EPB41L2: variants seen among roughly 807,000 people sequenced by gnomAD.
The protein encoded by EPB41L2 is erythrocyte membrane protein band 4.1 like 2.
A neutral mutation model predicts 113.0 loss-of-function variants in EPB41L2; 43 were observed. The observed-to-expected ratio is 0.38, with a 90% CI of 0.30 to 0.49. The LOEUF (loss-of-function observed/expected upper bound fraction) is 0.49. EPB41L2 is among the 20% of genes least tolerant of loss of function. EPB41L2 has a pLI of 0.95. For synonymous variants in EPB41L2, 442 were observed against 436.7 expected, an observed-to-expected ratio of 1.01 and a Z score of -0.15; for missense variants, 1,147 against 1,223.4, an observed-to-expected ratio of 0.94 and a Z score of 0.93.
chr6:130,886,250 C>T (rs1790928749), intron 11 of EPB41L2, among the ~76,000 whole-genome samples: 1 of 152,216 alleles, frequency 6.6e-6, no homozygotes, highest in African/African-American at 2.4e-5. Flanking sequence ...TGAGAGGCCT[C>T]AAGCACTTTG....
At chr6:130,897,446 G>A (rs1270660143) in intron 8 of EPB41L2, among the ~76,000 whole-genome samples, 2 of 152,168 alleles carry the variant, frequency 1.3e-5, no homozygotes, top group African/African-American at 4.8e-5. Context: ...CAGCAAGAAA[G>A]AGTATTATAC....
chr6:130,981,893 AT>A lies in EPB41L2; in HGVS notation c.-14-25395del, dbSNP rs200531497. On this transcript the variant is annotated intron_variant, in intron 1 of 19. Transcript: ENST00000337057. ...CTAACTGAACCAAAATTATGCTAAA[AT>A]ATATAAAGATATACATTTTTAAAAT... 8.7e-3 allele frequency among the ~76,000 whole-genome samples: 1,321 copies of A among 152,290 alleles called. 16 individuals are homozygous for A. Among genetic ancestry groups the A allele is most frequent in the African/African-American group, 0.026 (1,068 of 41,578 alleles).
At chr6:130,968,709 C>T (rs1220548029) in intron 1 of EPB41L2, among the ~76,000 whole-genome samples, 1 of 150,922 alleles carries the variant, frequency 6.6e-6, no homozygotes, top group Non-Finnish European at 1.5e-5. Context: ...TACAGACATG[C>T]CATTTGGAGT....
intron 3 of EPB41L2, among the ~76,000 whole-genome samples, chr6:130,941,224 C>G (rs975436609): frequency 6.6e-6 from 1 of 152,118 alleles, no homozygotes; most frequent in African/African-American, 2.4e-5. Flanking sequence ...AGACTAGCAA[C>G]CCTGTCATTA....
At chr6:131,051,767 A>C (rs1288120931) in intron 1 of EPB41L2, among the ~76,000 whole-genome samples, 1 of 152,166 alleles carries the variant, frequency 6.6e-6, no homozygotes, top group East Asian at 1.9e-4. Context: ...GTAATCACTA[A>C]CAGAATTCTA....
intron 1 of EPB41L2, among the ~76,000 whole-genome samples, chr6:131,029,360 A>G (rs1397778064): frequency 6.6e-6 from 1 of 151,098 alleles, no homozygotes; most frequent in Non-Finnish European, 1.5e-5. Context: ...AAACCTGAAA[A>G]TATCACACCC....
intron 15 of EPB41L2, chr6:130,868,394 T>G (rs3777436): frequency 0.33 from 49,452 of 152,126 alleles, 8,780 homozygotes; most frequent in East Asian, 0.45. Flanking sequence ...TATTAACATT[T>G]TAGTCTGCCG....
Position 130,863,618 on chromosome 6 carries a change from C to A in EPB41L2, c.2910+20G>T, listed in dbSNP as rs1782830156. The A allele has an allele frequency of 6.4e-7, 1 of 1,568,018 alleles. No homozygotes were observed. Among genetic ancestry groups the A allele is most frequent in the Admixed American group, 1.7e-5 (1 of 59,710 alleles). ...AAAACAAACAGGGCCATTTCCAAAA[C>A]TAGAACTTAACTTATTTACCTGGTC... is the stretch of plus-strand genomic sequence containing the variant. On this transcript the variant is annotated intron_variant, in intron 18 of 19. Transcript: ENST00000337057.
At chr6:130,853,699 C>T (rs1029334868) in intron 19 of EPB41L2, among the ~76,000 whole-genome samples, 7 of 152,148 alleles carry the variant, frequency 4.6e-5, no homozygotes, top group African/African-American at 9.7e-5. Flanking sequence ...CTCTCCCCTC[C>T]CCCTACTTTC....
chr6:130,873,175 T>G (rs1786307442), intron 14 of EPB41L2, among the ~76,000 whole-genome samples: 1 of 152,182 alleles, frequency 6.6e-6, no homozygotes, highest in African/African-American at 2.4e-5. Flanking sequence ...TAAATTACCC[T>G]GTCCCCTTTT....
chr6:130,968,794 T>C, intron 1 of EPB41L2, among the ~76,000 whole-genome samples: 1 of 152,038 alleles, frequency 6.6e-6, no homozygotes, highest in East Asian at 1.9e-4. Context: ...CAGAACTACT[T>C]AGCAAGAACT....
rs186992149 is a variant in EPB41L2, at chr6:130,920,297, C to T, written c.810+6308G>A. On this transcript the variant is annotated intron_variant, in intron 4 of 19. Coordinates refer to ENST00000337057, the MANE Select transcript of EPB41L2 (RefSeq NM_001431.4). The stretch of plus-strand genomic sequence containing the variant: ...GTCTATTTCCTCGTACACACTAGCA[C>T]TCTTTCAAGTGATCAATAGCCATAT... Among the ~76,000 whole-genome samples the T allele has an allele frequency of 2.2e-3, 341 of 152,316 alleles. 1 individual carries two copies. Among genetic ancestry groups the T allele is most frequent in the Non-Finnish European group, 3.6e-3 (247 of 68,030 alleles).
At chr6:131,023,768 TATAGATATATAG>T (rs1790171584) in intron 1 of EPB41L2, among the ~76,000 whole-genome samples, 1 of 132,426 alleles carries the variant, frequency 7.6e-6, no homozygotes, top group Non-Finnish European at 1.7e-5. Flanking sequence ...TATATAGATA[TATAGATATATAG>T]ATATATAGAT....
intron 1 of EPB41L2, among the ~76,000 whole-genome samples, chr6:131,051,595 CTG>C: frequency 6.6e-6 from 1 of 151,962 alleles, no homozygotes; most frequent in African/African-American, 2.4e-5. Context: ...AAGCAGAAAA[CTG>C]TTACTGTTTT....
At position 131,048,152 on chromosome 6, in the gene EPB41L2, A is replaced by G. The variant is rs554124941; in HGVS notation, c.-15+15003T>C. On this transcript the variant is annotated intron_variant, in intron 1 of 19. Coordinates refer to ENST00000337057, the MANE Select transcript of EPB41L2 (RefSeq NM_001431.4). ...AGACTCTGTCTCAAAAAAAAAAAAA[A>G]AAAAAGAAAAAAAGAAAAGAAAAAT... Among the ~76,000 whole-genome samples, 19 of 82,014 alleles carry G rather than the reference A, an allele frequency of 2.3e-4. No homozygotes were observed. In the East Asian group the frequency reaches 3.2e-3, roughly 14 times the overall value. The allele number at this position is 82,014 out of a possible 152,430, so 53.8% of individuals were successfully genotyped here.
In EPB41L2 at chr6:130,885,219, A is replaced by G; in HGVS notation, c.1710T>C (p.Ala570=). The change falls in exon 12 of 20, where the codon GCT becomes GCC. Residue 570 remains alanine, a synonymous_variant. Coordinates refer to ENST00000337057, the MANE Select transcript of EPB41L2 (RefSeq NM_001431.4). ...DQSLMKDFPG[A]AGEISAYGPG... Reference sequence around the variant, plus strand: ...GTCCATAGGCTGAAATCTCCCCAGCAGCGCCAGGAAAATCCTTCATAAGAC... The same window carrying G: ...GTCCATAGGCTGAAATCTCCCCAGCGGCGCCAGGAAAATCCTTCATAAGAC... 1.2e-6 allele frequency: 2 copies of G among 1,614,164 alleles called. No homozygotes were observed. The highest frequency in any genetic ancestry group is 1.7e-6 in the Non-Finnish European group (2 of 1,180,010).
In EPB41L2 at chr6:130,933,415, T is replaced by C. The variant is rs75272552; in HGVS notation, c.706-6706A>G. Among the ~76,000 whole-genome samples the C allele has an allele frequency of 8.5e-3, 1,297 of 152,340 alleles. 10 individuals carry two copies. The highest frequency in any genetic ancestry group is 0.021 in the South Asian group (100 of 4,830). On this transcript the variant is annotated intron_variant, in intron 3 of 19. Transcript: ENST00000337057. ...TTAAATATCAACAAGCTTAGCTATCTATTTTTCGTCTGTCTGCCTCTCCCT... is the reference window on the plus strand; with the variant it reads ...TTAAATATCAACAAGCTTAGCTATCCATTTTTCGTCTGTCTGCCTCTCCCT...
At chr6:130,877,548 T>C (rs1451562041) in intron 14 of EPB41L2, among the ~76,000 whole-genome samples, 1 of 152,112 alleles carries the variant, frequency 6.6e-6, no homozygotes, top group Non-Finnish European at 1.5e-5. Flanking sequence ...ATGTTATGAT[T>C]GAAAAAACGT....
intron 4 of EPB41L2, among the ~76,000 whole-genome samples, chr6:130,924,051 C>T (rs1583493271): frequency 1.3e-5 from 2 of 152,202 alleles, no homozygotes; most frequent in East Asian, 3.9e-4. Context: ...CTTTAGATAC[C>T]TCATATAAGT....
Sources: gnomAD v4.1 joint callset for allele counts (sites outside exome capture counted in the v4.1 genomes callset) on GRCh38, gnomAD v4.1.1 for gene constraint, MANE v1.5 for transcripts, NCBI Gene and HGNC (gene_info 2026-07-23, HGNC 2026-07-21) for gene names.